PARP6: variants seen among roughly 807,000 people sequenced by gnomAD.
PARP6 encodes the protein poly(ADP-ribose) polymerase family member 6.
Under a neutral mutation model 92.0 loss-of-function variants are expected in PARP6, and 27 were observed. The ratio of observed to expected loss-of-function variants is 0.29; its 90% CI spans 0.22 to 0.40. PARP6 has a LOEUF of 0.40. Ranked by LOEUF, PARP6 falls within the 10% of genes least tolerant of loss-of-function variation. PARP6 has a pLI of 1.00. For synonymous variants in PARP6, 272 were observed against 281.2 expected (o/e 0.97, Z 0.33); for missense variants, 501 against 784.5 (o/e 0.64, Z 4.32).
At chr15:72,263,863 A>G (rs1002006491) in intron 8 of PARP6, among the ~76,000 whole-genome samples, 1 of 151,976 alleles carries the variant, frequency 6.6e-6, no homozygotes, top group Admixed American at 6.6e-5. Context: ...TCTCTACTAA[A>G]AATACAAAAA....
chr15:72,257,516 C>T, intron 12 of PARP6, 76 bp from the exon 13 acceptor site: 1 of 1,127,726 alleles, frequency 8.9e-7, no homozygotes, highest in South Asian at 1.3e-5. Context: ...ACAGTCCTAA[C>T]CTCAGACAAC....
In PARP6 at chr15:72,242,461, A is replaced by C. The variant is rs890092846; in HGVS notation, c.1641+159T>G. ...TTTATACTCATGACTTCAGCTACAT[A>C]TGACTCCAGACGTGTGTTCACTTTA... On this transcript the variant is annotated intron_variant, in intron 21 of 23. Transcript: ENST00000569795. The surrounding 1 kb of genome is among the most constrained non-coding windows in gnomAD (Gnocchi z 4.3). Among the ~76,000 whole-genome samples the C allele has an allele frequency of 1.5e-4, 23 of 152,168 alleles. No individual in the cohort carries two copies. Among genetic ancestry groups the C allele is most frequent in the African/African-American group, 5.5e-4 (23 of 41,446 alleles).
At chr15:72,251,383 T>G in intron 16 of PARP6, 128 bp from the exon 17 acceptor site, 1 of 595,620 alleles carries the variant, frequency 1.7e-6, no homozygotes, top group Non-Finnish European at 2.9e-6. Flanking sequence ...CCAAATTGTG[T>G]GAAATGTCAA....
chr15:72,258,201 C>CT (rs36027670), intron 11 of PARP6, 69 bp from the exon 12 acceptor site: 111 of 1,207,010 alleles, frequency 9.2e-5, no homozygotes, highest in Non-Finnish European at 1.3e-4. Context: ...ATAATTTCAG[C>CT]TTTTTTTTCC....
chr15:72,262,072 T>C (rs184084657), intron 8 of PARP6, among the ~76,000 whole-genome samples: 1 of 152,296 alleles, frequency 6.6e-6, no homozygotes, highest in Admixed American at 6.5e-5. Context: ...ACCACTTTGT[T>C]CCTTGTGAGT....
intron 1 of PARP6, among the ~76,000 whole-genome samples, chr15:72,271,787 T>C (rs760582776): frequency 6.6e-6 from 1 of 152,212 alleles, no homozygotes; most frequent in Non-Finnish European, 1.5e-5. Context: ...AAAAATAGAC[T>C]ATATGATGAG....
intron 3 of PARP6, chr15:72,267,223 A>G (rs1350508958): frequency 1.7e-6 from 1 of 574,620 alleles, no homozygotes; most frequent in Non-Finnish European, 3.1e-6. Context: ...AAGCACACCT[A>G]AACTCTCTTG....
intron 11 of PARP6, 90 bp downstream of exon 11, chr15:72,259,516 AAG>A: frequency 1.0e-6 from 1 of 975,398 alleles, no homozygotes; most frequent in East Asian, 2.4e-5. Flanking sequence ...GCAATTCAGA[AAG>A]TATTTGATTG....
intron 2 of PARP6, among the ~76,000 whole-genome samples, chr15:72,270,457 C>T (rs2087247341): frequency 6.6e-6 from 1 of 152,056 alleles, no homozygotes; most frequent in Non-Finnish European, 1.5e-5. Flanking sequence ...ATGGGCTGTC[C>T]TCAAAGTCAA....
intron 8 of PARP6, 130 bp downstream of exon 8, chr15:72,264,425 C>T (rs2086294015): frequency 1.4e-6 from 1 of 697,618 alleles, no homozygotes; most frequent in Non-Finnish European, 2.5e-6. Flanking sequence ...TTAGCTTTTC[C>T]TGGGCATATT....
At chr15:72,259,920 T>C (rs1240467250) in intron 10 of PARP6, among the ~76,000 whole-genome samples, 2 of 152,198 alleles carry the variant, frequency 1.3e-5, no homozygotes, top group African/African-American at 2.4e-5. Flanking sequence ...CACAAACTAA[T>C]AAAATCATAC....
At chr15:72,266,970 C>T (rs1188319309) in intron 3 of PARP6, 148 bp from the exon 4 acceptor site, 7 of 645,016 alleles carry the variant, frequency 1.1e-5, no homozygotes, top group Admixed American at 2.5e-5. Context: ...CCTTTCATGT[C>T]ACCCTTTGTG....
rs2083225627 is a variant in PARP6 at position 72,242,971 on chromosome 15, G to C, written c.1562-272C>G. 4.6e-6 allele frequency: 2 copies of C among 431,750 alleles called. No homozygotes were observed. Among genetic ancestry groups the C allele is most frequent in the Non-Finnish European group, 8.2e-6 (2 of 243,820 alleles). 26.7% of individuals were successfully genotyped at this position (431,750 alleles called of 1,614,324 possible). A position where few individuals can be genotyped will look rare whatever the true frequency, so the allele number is the denominator to read the frequency against. On this transcript the variant is annotated intron_variant, in intron 20 of 23. Transcript: ENST00000569795. This position sits in a 1 kb window ranked among gnomAD's most constrained non-coding sequence, Gnocchi z 4.3. ...CCTAAGAGTTTAAAGAAGTCATGTGGTGACAGCTAGACTGAGAACTGCAGG... is the reference window on the plus strand; with the variant it reads ...CCTAAGAGTTTAAAGAAGTCATGTGCTGACAGCTAGACTGAGAACTGCAGG...
intron 14 of PARP6, among the ~76,000 whole-genome samples, chr15:72,255,284 G>A (rs143239177): frequency 6.2e-4 from 94 of 152,100 alleles, no homozygotes; most frequent in African/African-American, 1.6e-3. Context: ...GCAGAGTCTC[G>A]CTCTGTCACC....
At chr15:72,262,946 G>GT (rs1332912549) in intron 8 of PARP6, among the ~76,000 whole-genome samples, 1 of 152,126 alleles carries the variant, frequency 6.6e-6, no homozygotes, top group African/African-American at 2.4e-5. Context: ...TTCACTGACT[G>GT]TAACTTCTTC....
At chr15:72,264,708 C>A (rs2086340026) in intron 7 of PARP6, 87 bp from the exon 8 acceptor site, 3 of 1,015,734 alleles carry the variant, frequency 3.0e-6, no homozygotes, top group South Asian at 2.7e-5. Context: ...TCCATACATT[C>A]TAAAGATCAT....
chr15:72,241,298 A>G lies in PARP6; in HGVS notation c.*157T>C, dbSNP rs2083022441. ...CGAATGTGGAGTAGTTCTTGGGTCA[A>G]GCTCTACCATGAAGGCCACCTCTTA... On this transcript the variant is annotated 3_prime_UTR_variant, in exon 24 of 24. Coordinates refer to ENST00000569795, the MANE Select transcript of PARP6 (RefSeq NM_001323532.2). The surrounding 1 kb of genome is among the most constrained non-coding windows in gnomAD (Gnocchi z 4.1). 1 of 703,530 alleles carries G rather than the reference A, an allele frequency of 1.4e-6. No homozygotes were observed. Among genetic ancestry groups the G allele is most frequent in the African/African-American group, 1.7e-5 (1 of 57,152 alleles). The allele number at this position is 703,530 out of a possible 1,614,324, so 43.6% of individuals were successfully genotyped here.
intron 8 of PARP6, 76 bp from the exon 9 acceptor site, chr15:72,261,783 T>C: frequency 6.9e-7 from 1 of 1,452,584 alleles, no homozygotes; most frequent in Non-Finnish European, 9.5e-7. Context: ...AGACAAATAA[T>C]CTAAAATTCA....
At position 72,241,638 on chromosome 15, in the gene PARP6, G is replaced by T; in HGVS notation, c.1791-81C>A. ...TCAATCAGTGGAACTGTATTTCAAGGTATGGCCATCCCATCCCAGAAGTCA... is the reference window on the plus strand; with the variant it reads ...TCAATCAGTGGAACTGTATTTCAAGTTATGGCCATCCCATCCCAGAAGTCA... On this transcript the variant is annotated intron_variant, in intron 23 of 23. Coordinates refer to ENST00000569795, the MANE Select transcript of PARP6 (RefSeq NM_001323532.2). This position sits in a 1 kb window ranked among gnomAD's most constrained non-coding sequence, Gnocchi z 4.1. 2 of 1,102,236 alleles carry T rather than the reference G, an allele frequency of 1.8e-6. No homozygotes were observed. The allele number at this position is 1,102,236 out of a possible 1,614,324, so 68.3% of individuals were successfully genotyped here.
Sources: gnomAD v4.1 joint callset for allele counts (sites outside exome capture counted in the v4.1 genomes callset) on GRCh38, gnomAD v4.1.1 for gene constraint, Gnocchi (gnomAD v3.1) non-coding constraint, MANE v1.5 for transcripts, NCBI Gene and HGNC (gene_info 2026-07-23, HGNC 2026-07-21) for gene names.